The following PHYKPL variants were observed in gnomAD, a reference collection of about 807,000 sequenced individuals.
PHYKPL encodes the protein 5-phosphonooxy-L-lysine phospho-lyase.
Under a neutral mutation model 51.3 loss-of-function variants are expected in PHYKPL, and 42 were observed. The observed-to-expected ratio is 0.82, with a 90% CI of 0.64 to 1.06. PHYKPL has a LOEUF of 1.06. Among genes scored for constraint, PHYKPL ranks in the 50% least tolerant of loss-of-function variants. The probability of loss-of-function intolerance (pLI) is 0.00; values close to 1 mark genes in which losing one functional copy is unlikely to be tolerated. For synonymous variants in PHYKPL, 264 were observed against 236.0 expected (o/e 1.12, Z -1.09); for missense variants, 655 against 586.6 (o/e 1.12, Z -1.20).
intron 8 of PHYKPL, among the ~76,000 whole-genome samples, chr5:178,221,020 TGGG>T (rs1393904404): frequency 6.6e-6 from 1 of 152,074 alleles, no homozygotes. Flanking sequence ...AAGAGGGAAT[TGGG>T]GGGAACATCT....
intron 8 of PHYKPL, among the ~76,000 whole-genome samples, chr5:178,218,549 C>T (rs1446654606): frequency 6.6e-6 from 1 of 152,106 alleles, no homozygotes; most frequent in Non-Finnish European, 1.5e-5. Flanking sequence ...TGAGGTACAG[C>T]GAGAAGCTGG....
intron 3 of PHYKPL, 33 bp downstream of exon 3, chr5:178,229,907 C>G: frequency 6.2e-7 from 1 of 1,606,738 alleles, no homozygotes; most frequent in South Asian, 1.1e-5. Context: ...ACCGTCTCAC[C>G]CTCTTCCCGG....
intron 3 of PHYKPL, chr5:178,228,291 A>C (rs1311022248): frequency 1.9e-6 from 1 of 525,414 alleles, no homozygotes; most frequent in African/African-American, 1.9e-5. Flanking sequence ...TGGCTAGAGA[A>C]GCTGATAGAA....
At chr5:178,220,330 C>T (rs1288196905) in intron 8 of PHYKPL, among the ~76,000 whole-genome samples, 1 of 151,946 alleles carries the variant, frequency 6.6e-6, no homozygotes, top group African/African-American at 2.4e-5. Context: ...GAAACCCCAT[C>T]TCTACTAAAA....
intron 12 of PHYKPL, among the ~76,000 whole-genome samples, chr5:178,209,734 T>C (rs1034206463): frequency 2.0e-5 from 3 of 152,072 alleles, no homozygotes; most frequent in African/African-American, 7.2e-5. Flanking sequence ...GTCCTGAGTC[T>C]GGTACACCTG....
At chr5:178,221,290 C>T (rs531348663) in intron 8 of PHYKPL, among the ~76,000 whole-genome samples, 23 of 152,266 alleles carry the variant, frequency 1.5e-4, no homozygotes, top group African/African-American at 5.5e-4. Context: ...CACTTGATTT[C>T]CTGCTCAGCC....
chr5:178,224,544 G>A lies in PHYKPL; in HGVS notation c.522C>T (p.Tyr174=). 1.9e-6 allele frequency: 3 copies of A among 1,614,238 alleles called. No homozygotes were observed. The South Asian group carries it at 3.3e-5, about 18-fold the overall frequency. ...WVHVAPLPDT[Y]RGPYREDHPN... ...GGTGGTCCTCCCGGTAGGGGCCCCG[G>A]TAGGTGTCTGGGAGAGGTGCCTGTG... The change falls in exon 6 of 13, where the codon TAC becomes TAT. Residue 174 remains tyrosine (Y), a synonymous_variant. Transcript: ENST00000308158.
intron 11 of PHYKPL, among the ~76,000 whole-genome samples, chr5:178,212,182 C>T (rs1044866559): frequency 3.3e-5 from 5 of 152,248 alleles, no homozygotes; most frequent in African/African-American, 1.2e-4. Flanking sequence ...TGTCCAGGAT[C>T]CCTAAGCCTG....
At chr5:178,227,082 T>C (rs1270233892) in intron 3 of PHYKPL, among the ~76,000 whole-genome samples, 1 of 151,976 alleles carries the variant, frequency 6.6e-6, no homozygotes, top group Non-Finnish European at 1.5e-5. Context: ...ACCCCCAATT[T>C]ATGTGTTGAA....
rs1758060885 is a variant in PHYKPL, at chr5:178,210,813, G to A, written c.*31+1077C>T. ...AGAGCTCTAGGTGTTTAGGCAGCGTGTGGTGTCTGAGAGGCCATAGCGCCA... is the reference window on the plus strand; with the variant it reads ...AGAGCTCTAGGTGTTTAGGCAGCGTATGGTGTCTGAGAGGCCATAGCGCCA... On this transcript the variant is annotated intron_variant, in intron 12 of 12. Transcript: ENST00000308158. 4 of 610,418 alleles carry A rather than the reference G, an allele frequency of 6.6e-6. No homozygotes were observed. The Admixed American group carries it at 1.1e-4, about 16-fold the overall frequency. 37.8% of individuals were successfully genotyped at this position (610,418 alleles called of 1,614,324 possible). A position where few individuals can be genotyped will look rare whatever the true frequency, so the allele number is the denominator to read the frequency against.
chr5:178,220,545 G>A (rs79887418), intron 8 of PHYKPL, among the ~76,000 whole-genome samples: 4,277 of 152,016 alleles, frequency 0.028, 166 homozygotes, highest in African/African-American at 0.089. Context: ...CTACTGGTGG[G>A]GTGTTAACTT....
chr5:178,209,522 CCTCTGGTGCTGTGCAG>C (rs1757521544), intron 12 of PHYKPL: 1 of 1,300,416 alleles, frequency 7.7e-7, no homozygotes, highest in African/African-American at 1.5e-5. Context: ...CTTGGGGCTC[CCTCTGGTGCTGTGCAG>C]CAGGGGTGGG....
chr5:178,214,524 G>A lies in PHYKPL; in HGVS notation c.1172+272C>T, dbSNP rs540496738. 1.6e-4 allele frequency among the ~76,000 whole-genome samples: 25 copies of A among 152,276 alleles called. No individual in the cohort carries two copies. The South Asian group carries it at 3.3e-3, about 20-fold the overall frequency. ...CTTGGGCATTCTAGGCAGAGGTGCTGCTCTGGTCTGGGAATAGCCTGTGTC... is the reference window on the plus strand; with the variant it reads ...CTTGGGCATTCTAGGCAGAGGTGCTACTCTGGTCTGGGAATAGCCTGTGTC... On this transcript the variant is annotated intron_variant, in intron 10 of 12. Coordinates refer to ENST00000308158, the MANE Select transcript of PHYKPL (RefSeq NM_153373.4).
intron 12 of PHYKPL, chr5:178,209,381 G>A: frequency 6.2e-7 from 1 of 1,614,220 alleles, no homozygotes. Context: ...GCAGCAGTAT[G>A]GCTCTGGGGG....
intron 10 of PHYKPL, among the ~76,000 whole-genome samples, chr5:178,214,387 T>A (rs1759310387): frequency 6.6e-6 from 1 of 152,120 alleles, no homozygotes; most frequent in African/African-American, 2.4e-5. Flanking sequence ...TCGTGCGGCA[T>A]GGGAACCCTG....
chr5:178,231,477 G>A lies in PHYKPL; in HGVS notation c.106C>T (p.Arg36Trp), dbSNP rs368559356. ...FFPEDPVKIV[R>W]AQGQYMYDEQ... The stretch of plus-strand genomic sequence containing the variant: ...TCGTACATGTACTGCCCTTGGGCCC[G>A]GACAATCTTAACAGGATCCTCGGGA... The change falls in exon 2 of 13, where the codon CGG (arginine) becomes TGG (tryptophan). Residue 36 changes from arginine to tryptophan, a missense_variant. Arg to Trp is a moderately radical substitution (Grantham distance 101, BLOSUM62 -3). Coordinates refer to ENST00000308158, the MANE Select transcript of PHYKPL (RefSeq NM_153373.4). 3 of 1,614,148 alleles carry A rather than the reference G, an allele frequency of 1.9e-6. No homozygotes were observed. Among genetic ancestry groups the A allele is most frequent in the Non-Finnish European group, 2.5e-6 (3 of 1,180,026 alleles).
At chr5:178,211,771 G>C in intron 12 of PHYKPL, 119 bp downstream of exon 12, 1 of 657,172 alleles carries the variant, frequency 1.5e-6, no homozygotes, top group Admixed American at 2.8e-5. Context: ...CTTTGGGAAG[G>C]AGCATCAGTC....
rs1415963033 is a variant in PHYKPL at position 178,230,051 on chromosome 5, T to C, written c.227A>G (p.Gln76Arg). The C allele has an allele frequency of 5.0e-6, 8 of 1,614,084 alleles. No individual in the cohort carries two copies. The highest frequency in any genetic ancestry group is 5.9e-6 in the Non-Finnish European group (7 of 1,180,042). ...LVVQAAHEQN[Q>R]VLNTNSRYLH... ...GTACCGGCTGTTGGTGTTGAGCACC[T>C]GGTTCTGCTCATGTGCTGCTTGGAC... The change falls in exon 3 of 13, where the codon CAG becomes CGG. Residue 76 changes from glutamine to arginine, a missense_variant. Transcript: ENST00000308158.
In PHYKPL at chr5:178,214,885, C is replaced by G. The variant is rs1481358759; in HGVS notation, c.1083G>C (p.Arg361Ser). The stretch of plus-strand genomic sequence containing the variant: ...CCACACCAATGAAGAGCCCAACACC[C>G]CTGCAAGGGAAGGTGACGACATCTC... ...KIKHPIVGDV[R>S]GVGLFIGVDL... Residue 361 changes from arginine (R) to serine (S), a missense_variant and splice_region_variant, in exon 10 of 13, where the codon AGG (arginine) becomes AGC (serine). Arg to Ser is a moderately radical substitution (Grantham distance 110). Transcript: ENST00000308158. 6.2e-7 allele frequency: 1 copy of G among 1,613,330 alleles called. No homozygotes were observed. Among genetic ancestry groups the G allele is most frequent in the Admixed American group, 1.7e-5 (1 of 60,006 alleles).
Sources: gnomAD v4.1 joint callset for allele counts (sites outside exome capture counted in the v4.1 genomes callset) on GRCh38, gnomAD v4.1.1 for gene constraint, MANE v1.5 for transcripts, NCBI Gene and HGNC (gene_info 2026-07-23, HGNC 2026-07-21) for gene names.